Variants in CSMD1 observed in about 807,000 individuals in gnomAD.
The protein encoded by CSMD1 is CUB and Sushi multiple domains 1.
A neutral mutation model predicts 417.5 loss-of-function variants in CSMD1; 213 were observed. The ratio of observed to expected loss-of-function variants is 0.51; its 90% CI spans 0.46 to 0.57. CSMD1 has a LOEUF of 0.57. Among genes scored for constraint, CSMD1 ranks in the 20% least tolerant of loss-of-function variants. CSMD1 has a pLI of 0.00. For synonymous variants in CSMD1, 2,862 were observed against 1,736.8 expected (o/e 1.65, Z -16.11); for missense variants, 6,923 against 4,529.7 (o/e 1.53, Z -15.17).
At chr8:3,866,923 A>G (rs1158373825) in intron 5 of CSMD1, among the ~76,000 whole-genome samples, 1 of 152,200 alleles carries the variant, frequency 6.6e-6, no homozygotes, top group Non-Finnish European at 1.5e-5. Context: ...GCCACTGGAC[A>G]TATGCATGTA....
chr8:4,203,384 G>T (rs1336089605), intron 3 of CSMD1, among the ~76,000 whole-genome samples: 1 of 152,140 alleles, frequency 6.6e-6, no homozygotes, highest in African/African-American at 2.4e-5. Flanking sequence ...TATGAGGTGA[G>T]ATCTTTGTGG....
chr8:4,567,655 G>C (rs1247385880), intron 2 of CSMD1, among the ~76,000 whole-genome samples: 1 of 152,106 alleles, frequency 6.6e-6, no homozygotes, highest in East Asian at 1.9e-4. Context: ...CCCAATAAAG[G>C]ACGAAGGTTC....
chr8:4,023,899 G>C (rs1249043762), intron 4 of CSMD1, among the ~76,000 whole-genome samples: 10 of 150,976 alleles, frequency 6.6e-5, no homozygotes, highest in Non-Finnish European at 1.2e-4. Flanking sequence ...TTACAGGCGT[G>C]AGCCACAGCA....
At chr8:4,204,230 C>G (rs546980848) in intron 3 of CSMD1, among the ~76,000 whole-genome samples, 1 of 152,020 alleles carries the variant, frequency 6.6e-6, no homozygotes, top group Non-Finnish European at 1.5e-5. Context: ...CCAGAACATC[C>G]TCTTTTTTCT....
chr8:3,648,022 G>C (rs1383335439), intron 7 of CSMD1, among the ~76,000 whole-genome samples: 2 of 152,212 alleles, frequency 1.3e-5, no homozygotes, highest in East Asian at 1.9e-4. Flanking sequence ...TTCTTGTGCA[G>C]CTAATCAATG....
chr8:3,409,850 G>C (rs999379915), intron 12 of CSMD1, among the ~76,000 whole-genome samples: 1 of 152,228 alleles, frequency 6.6e-6, no homozygotes, highest in Non-Finnish European at 1.5e-5. Flanking sequence ...TGGCTACACA[G>C]ATACGCTGAC....
At chr8:4,738,541 A>T (rs1810392479) in intron 1 of CSMD1, among the ~76,000 whole-genome samples, 1 of 152,138 alleles carries the variant, frequency 6.6e-6, no homozygotes, top group Non-Finnish European at 1.5e-5. Flanking sequence ...CCACTCCCAT[A>T]ACAGGGGAAC....
chr8:2,973,905 T>C (rs1048300459), intron 56 of CSMD1, among the ~76,000 whole-genome samples: 11 of 143,378 alleles, frequency 7.7e-5, no homozygotes, highest in African/African-American at 8.4e-5. Flanking sequence ...TGGTAGAGGA[T>C]GGTGGTAGAG....
At chr8:4,219,071 T>C (rs750873599) in intron 3 of CSMD1, among the ~76,000 whole-genome samples, 1 of 152,140 alleles carries the variant, frequency 6.6e-6, no homozygotes, top group Non-Finnish European at 1.5e-5. Context: ...CACCGTCTAC[T>C]CTATCACTTT....
At chr8:4,664,049 C>T (rs1210294324) in intron 1 of CSMD1, among the ~76,000 whole-genome samples, 1 of 152,144 alleles carries the variant, frequency 6.6e-6, no homozygotes, top group Non-Finnish European at 1.5e-5. Context: ...CTCATGAAAT[C>T]GCCTCTGTGA....
intron 1 of CSMD1, among the ~76,000 whole-genome samples, chr8:4,991,529 C>T (rs1811460844): frequency 6.6e-6 from 1 of 152,196 alleles, no homozygotes. Context: ...GCCTTCGCCA[C>T]AGCGGGAGCC....
intron 3 of CSMD1, among the ~76,000 whole-genome samples, chr8:4,213,825 G>T (rs1387759973): frequency 6.6e-6 from 1 of 152,196 alleles, no homozygotes; most frequent in Admixed American, 6.5e-5. Context: ...GATAAGAAAA[G>T]AGACAGTTAT....
At chr8:4,382,482 C>G (rs2128919421) in intron 3 of CSMD1, among the ~76,000 whole-genome samples, 1 of 152,048 alleles carries the variant, frequency 6.6e-6, no homozygotes, top group Middle Eastern at 3.4e-3. Context: ...CTCTACATTC[C>G]AACCACCTAA....
chr8:3,207,267 C>A (rs1257384167), intron 30 of CSMD1, among the ~76,000 whole-genome samples: 1 of 150,842 alleles, frequency 6.6e-6, no homozygotes, highest in African/African-American at 2.4e-5. Flanking sequence ...TTGCCTCAGC[C>A]TCCCGAGTAG....
intron 2 of CSMD1, among the ~76,000 whole-genome samples, chr8:4,486,319 G>T (rs1446005921): frequency 1.4e-5 from 2 of 146,200 alleles, no homozygotes; most frequent in African/African-American, 5.1e-5. Context: ...TATCCCCCTA[G>T]CTACAAATAA....
chr8:3,499,511 G>A (rs775609553), intron 10 of CSMD1, among the ~76,000 whole-genome samples: 2 of 152,052 alleles, frequency 1.3e-5, no homozygotes, highest in Non-Finnish European at 2.9e-5. Flanking sequence ...TGGGGGGAGT[G>A]TTCACTGCTG....
chr8:4,941,469 A>G (rs1188450063), intron 1 of CSMD1, among the ~76,000 whole-genome samples: 1 of 152,246 alleles, frequency 6.6e-6, no homozygotes, highest in African/African-American at 2.4e-5. Context: ...CCACAATTTC[A>G]AAAAAGCAAG....
chr8:4,897,050 A>G (rs1235294775), intron 1 of CSMD1, among the ~76,000 whole-genome samples: 2 of 152,116 alleles, frequency 1.3e-5, no homozygotes, highest in African/African-American at 4.8e-5. Context: ...TTTAAAACTC[A>G]GGAGTAAAAT....
intron 4 of CSMD1, among the ~76,000 whole-genome samples, chr8:4,013,160 G>C (rs773672284): frequency 1.3e-5 from 2 of 152,012 alleles, no homozygotes; most frequent in Non-Finnish European, 2.9e-5. Context: ...GCTCAGTATA[G>C]AGGTTAAAGT....
Sources: allele counts gnomAD v4.1 joint callset (sites outside exome capture counted in the v4.1 genomes callset), GRCh38; gene constraint gnomAD v4.1.1; transcripts MANE v1.5; gene names NCBI Gene and HGNC (gene_info 2026-07-23, HGNC 2026-07-21).